The following ZNF560 variants were observed in gnomAD, a reference collection of about 807,000 sequenced individuals.
The protein encoded by ZNF560 is zinc finger protein 560.
A neutral mutation model predicts 81.8 loss-of-function variants in ZNF560; 54 were observed. The ratio of observed to expected loss-of-function variants is 0.66; its 90% CI spans 0.53 to 0.83. The LOEUF (loss-of-function observed/expected upper bound fraction) is 0.83, where lower values mean the gene tolerates loss of function less well. ZNF560 is among the 40% of genes least tolerant of loss of function. ZNF560 has a pLI of 0.00. For missense variants in ZNF560, 940 were observed against 932.4 expected, an observed-to-expected ratio of 1.01 and a Z score of -0.11; for synonymous variants, 321 against 317.9, an observed-to-expected ratio of 1.01 and a Z score of -0.10.
intron 2 of ZNF560, among the ~76,000 whole-genome samples, chr19:9,475,973 G>A (rs1182353345): frequency 6.6e-6 from 1 of 152,170 alleles, no homozygotes; most frequent in Non-Finnish European, 1.5e-5. Context: ...ACTCACAAAT[G>A]AGATTATGCA....
Position 9,493,088 on chromosome 19 carries a change from G to A in ZNF560, c.-57+5040C>T, listed in dbSNP as rs184425687. ...AACTGGGGTACTACTATACAACTGAGGCAAAAAGAATGATGTCTAGAACCT... is the reference window on the plus strand; with the variant it reads ...AACTGGGGTACTACTATACAACTGAAGCAAAAAGAATGATGTCTAGAACCT... On this transcript the variant is annotated intron_variant, in intron 2 of 9. Coordinates refer to ENST00000301480, the MANE Select transcript of ZNF560 (RefSeq NM_152476.3). 1.3e-3 allele frequency among the ~76,000 whole-genome samples: 205 copies of A among 152,192 alleles called. 1 individual carries two copies. Among genetic ancestry groups the A allele is most frequent in the Middle Eastern group, 6.8e-3 (2 of 294 alleles).
rs1345745137 is a variant in ZNF560, at chr19:9,480,533, T to C, written c.-56-5164A>G. Among the ~76,000 whole-genome samples, 4 of 148,602 alleles carry C rather than the reference T, an allele frequency of 2.7e-5. No individual in the cohort carries two copies. In the South Asian group the frequency reaches 6.4e-4, roughly 24 times the overall value. On this transcript the variant is annotated intron_variant, in intron 2 of 9. Coordinates refer to ENST00000301480, the MANE Select transcript of ZNF560 (RefSeq NM_152476.3). ...CTGAAAGTTAGTAGAAGGAAGGAAA[T>C]AATAAAGACCAGAACTGAAATAAAT...
chr19:9,473,956 A>G (rs1467595219), intron 4 of ZNF560, among the ~76,000 whole-genome samples: 1 of 152,224 alleles, frequency 6.6e-6, no homozygotes, highest in African/African-American at 2.4e-5. Flanking sequence ...TGACAATCCA[A>G]GTGGAGAGTT....
the ZNF560 span, among the ~76,000 whole-genome samples, chr19:9,456,210 T>G: frequency 6.6e-6 from 1 of 152,088 alleles, no homozygotes; most frequent in Non-Finnish European, 1.5e-5. Context: ...GGGCTGTGAG[T>G]CTCCTGCCTG....
chr19:9,488,542 T>C (rs1174332129), intron 2 of ZNF560, among the ~76,000 whole-genome samples: 1 of 152,022 alleles, frequency 6.6e-6, no homozygotes, highest in Non-Finnish European at 1.5e-5. Context: ...CTTATTTTTA[T>C]CACTAGAGTC....
upstream of ZNF560, among the ~76,000 whole-genome samples, chr19:9,500,718 G>A (rs898638086): frequency 2.0e-5 from 3 of 151,878 alleles, no homozygotes; most frequent in African/African-American, 7.3e-5. Flanking sequence ...GCACTCCCAA[G>A]TGCCCACCAC....
chr19:9,493,519 G>A (rs962722926), intron 2 of ZNF560, among the ~76,000 whole-genome samples: 3 of 151,922 alleles, frequency 2.0e-5, no homozygotes, highest in East Asian at 2.0e-4. Flanking sequence ...CGCCCGCCAC[G>A]CCCAACTAAT....
chr19:9,458,456 T>C, the ZNF560 span, among the ~76,000 whole-genome samples: 1 of 152,256 alleles, frequency 6.6e-6, no homozygotes, highest in Non-Finnish European at 1.5e-5. Context: ...GAGGCTGTAA[T>C]TGAGGCATTG....
chr19:9,488,018 C>T (rs934544386), intron 2 of ZNF560, among the ~76,000 whole-genome samples: 1 of 152,118 alleles, frequency 6.6e-6, no homozygotes, highest in Non-Finnish European at 1.5e-5. Flanking sequence ...AATATCACAG[C>T]ACTGGAAGGA....
chr19:9,458,183 A>G, the ZNF560 span, among the ~76,000 whole-genome samples: 1 of 152,248 alleles, frequency 6.6e-6, no homozygotes, highest in African/African-American at 2.4e-5. Flanking sequence ...ACACAAATAC[A>G]GCAAGCTTTT....
upstream of ZNF560, among the ~76,000 whole-genome samples, chr19:9,501,399 C>T (rs2073632304): frequency 6.7e-6 from 1 of 148,792 alleles, no homozygotes; most frequent in Non-Finnish European, 1.5e-5. Flanking sequence ...GCTCTTGTTG[C>T]CCAGGCTGGA....
At chr19:9,460,230 CAACT>C in the ZNF560 span, among the ~76,000 whole-genome samples, 1 of 152,124 alleles carries the variant, frequency 6.6e-6, no homozygotes, top group Non-Finnish European at 1.5e-5. Flanking sequence ...GGATGACCCC[CAACT>C]GTCACGAGCA....
chr19:9,461,190 T>C, the ZNF560 span, among the ~76,000 whole-genome samples: 15 of 152,312 alleles, frequency 9.8e-5, no homozygotes, highest in Middle Eastern at 3.4e-3. Flanking sequence ...TTGAAAATAA[T>C]ACAATTTGGA....
chr19:9,484,145 C>T (rs867515276), intron 2 of ZNF560, among the ~76,000 whole-genome samples: 2 of 152,194 alleles, frequency 1.3e-5, no homozygotes, highest in Non-Finnish European at 2.9e-5. Flanking sequence ...CCCAGAGACA[C>T]AAACACTGTG....
chr19:9,468,725 CTTTTT>C (rs3068756), intron 9 of ZNF560, among the ~76,000 whole-genome samples: 3 of 123,048 alleles, frequency 2.4e-5, no homozygotes, highest in Non-Finnish European at 1.7e-5. Context: ...CTGCTGATTT[CTTTTT>C]TTTTTTTTTT....
chr19:9,497,908 C>T (rs1225428822), intron 2 of ZNF560, among the ~76,000 whole-genome samples: 1 of 152,136 alleles, frequency 6.6e-6, no homozygotes, highest in East Asian at 1.9e-4. Context: ...TCTTAGGTTT[C>T]TTTAGTAGAA....
chr19:9,459,238 A>G, the ZNF560 span, among the ~76,000 whole-genome samples: 2 of 152,240 alleles, frequency 1.3e-5, no homozygotes, highest in Non-Finnish European at 2.9e-5. Context: ...ATGCAACTAA[A>G]TCTAGCATTA....
At chr19:9,447,011 A>G in the ZNF560 span, among the ~76,000 whole-genome samples, 1 of 151,758 alleles carries the variant, frequency 6.6e-6, no homozygotes, top group Non-Finnish European at 1.5e-5. Flanking sequence ...GCGCGTGCCT[A>G]TAGTCCCAGC....
chr19:9,479,626 T>C (rs979401752), intron 2 of ZNF560, among the ~76,000 whole-genome samples: 8 of 152,066 alleles, frequency 5.3e-5, no homozygotes, highest in African/African-American at 1.7e-4. Flanking sequence ...CAACCTGCCA[T>C]GGATTGAAAA....
Sources: allele counts gnomAD v4.1 joint callset (sites outside exome capture counted in the v4.1 genomes callset), GRCh38; gene constraint gnomAD v4.1.1; transcripts MANE v1.5; gene names NCBI Gene and HGNC (gene_info 2026-07-23, HGNC 2026-07-21).